EPCAM: variants seen among roughly 807,000 people sequenced by gnomAD.
EPCAM encodes the protein epithelial cell adhesion molecule, also known as adenocarcinoma-associated antigen.
Under a neutral mutation model 40.0 loss-of-function variants are expected in EPCAM, and 39 were observed. The ratio of observed to expected loss-of-function variants is 0.98; its 90% CI spans 0.76 to 1.27. The LOEUF is 1.27. Among genes scored for constraint, EPCAM ranks in the 50% most tolerant of loss-of-function variants. The pLI, the probability that EPCAM is intolerant of heterozygous loss-of-function variation, is 0.00. For synonymous variants in EPCAM, 168 were observed against 132.3 expected, an observed-to-expected ratio of 1.27 and a Z score of -1.85; for missense variants, 503 against 381.2, an observed-to-expected ratio of 1.32 and a Z score of -2.66.
intron 3 of EPCAM, 131 bp from the exon 4 acceptor site, chr2:47,375,101 TTA>T: frequency 1.5e-6 from 1 of 666,714 alleles, no homozygotes; most frequent in East Asian, 2.8e-5. Flanking sequence ...AGGGAAGAAA[TTA>T]TAGGAATAGC....
At chr2:47,370,518 G>T (rs1054848450) in intron 1 of EPCAM, among the ~76,000 whole-genome samples, 1 of 151,336 alleles carries the variant, frequency 6.6e-6, no homozygotes, top group Admixed American at 6.6e-5. Flanking sequence ...CTCGTGATCC[G>T]CCCGCCTCGG....
intron 4 of EPCAM, 54 bp from the exon 5 acceptor site, chr2:47,376,960 A>C: frequency 8.5e-7 from 1 of 1,183,234 alleles, no homozygotes; most frequent in African/African-American, 1.5e-5. Flanking sequence ...AGTGCTTCTT[A>C]CTGTTGTGTG....
rs544982848 is a variant in EPCAM, at chr2:47,374,161, G to A, written c.425+113G>A. The A allele has an allele frequency of 8.4e-6, 11 of 1,302,148 alleles. No homozygotes were observed. In the East Asian group the frequency reaches 2.5e-4, roughly 30 times the overall value. The allele number at this position is 1,302,148 out of a possible 1,614,324, so 80.7% of individuals were successfully genotyped here. A position where few individuals can be genotyped will look rare whatever the true frequency, so the allele number is the denominator to read the frequency against. ...GGTTTAGAATTCAGAAGATATGAGTGTCCAGTGAAAAGCTTCCTTCTCATT... is the reference window on the plus strand; with the variant it reads ...GGTTTAGAATTCAGAAGATATGAGTATCCAGTGAAAAGCTTCCTTCTCATT... On this transcript the variant is annotated intron_variant, in intron 3 of 8. Transcript: ENST00000263735.
At chr2:47,384,161 G>A (rs1234573029) in intron 7 of EPCAM, among the ~76,000 whole-genome samples, 2 of 151,548 alleles carry the variant, frequency 1.3e-5, no homozygotes. Flanking sequence ...GAGTGCAATG[G>A]TGCATGATCT....
intron 5 of EPCAM, 90 bp downstream of exon 5, chr2:47,377,167 T>A (rs1573397243): frequency 1.2e-6 from 1 of 858,242 alleles, no homozygotes; most frequent in Non-Finnish European, 2.0e-6. Context: ...AAGTGGTGGT[T>A]AAATGCACTT....
chr2:47,373,596 TA>T, intron 2 of EPCAM, 26 bp downstream of exon 2: 1 of 1,553,136 alleles, frequency 6.4e-7, no homozygotes, highest in South Asian at 1.1e-5. Context: ...TAATTACCTG[TA>T]AGCTTTATTT....
chr2:47,373,568 A>C lies in EPCAM; in HGVS notation c.182A>C (p.Lys61Thr). The part of the protein sequence containing the change: ...VGAQNTVICS[K>T]LAAKCLVMKA... ...GCACAAAATACTGTCATTTGCTCAA[A>C]GCGTGAGTAAAATATCCTAATTACC... Residue 61 changes from lysine (K) to threonine (T), a missense_variant and splice_region_variant, in exon 2 of 9, where the codon AAG becomes ACG. Coordinates refer to ENST00000263735, the MANE Select transcript of EPCAM (RefSeq NM_002354.3). 2 of 1,601,302 alleles carry C rather than the reference A, an allele frequency of 1.2e-6. No individual in the cohort carries two copies. Among genetic ancestry groups the C allele is most frequent in the Non-Finnish European group, 1.7e-6 (2 of 1,168,426 alleles).
rs2103757244 is a variant in EPCAM at position 47,379,033 on chromosome 2, G to A, written c.636G>A (p.Val212=). 2 of 1,590,280 alleles carry A rather than the reference G, an allele frequency of 1.3e-6. No homozygotes were observed. The highest frequency in any genetic ancestry group is 8.6e-7 in the Non-Finnish European group (1 of 1,158,566). The part of the protein sequence containing the change: ...KTQNDVDIAD[V]AYYFEKDVKG... ...AGAATGATGTGGACATAGCTGATGT[G>A]GCTTATTATTTTGAAAAAGATGTGA... The change falls in exon 6 of 9, where the codon GTG becomes GTA. Residue 212 remains valine (V), a synonymous_variant. Transcript: ENST00000263735.
rs1322763300 is a variant in EPCAM, at chr2:47,379,940, A to G, written c.829A>G (p.Ile277Val). 3.7e-6 allele frequency: 6 copies of G among 1,613,682 alleles called. No individual in the cohort carries two copies. The highest frequency in any genetic ancestry group is 2.2e-5 in the East Asian group (1 of 44,874). Residue 277 changes from isoleucine (I) to valine (V), a missense_variant, in exon 7 of 9, where the codon ATA becomes GTA. Transcript: ENST00000263735. ...TATTGCTGTTATTGTGGTTGTGGTGATAGCAGTTGTTGCTGGAATTGTTGT... is the reference window on the plus strand; with the variant it reads ...TATTGCTGTTATTGTGGTTGTGGTGGTAGCAGTTGTTGCTGGAATTGTTGT... ...GVIAVIVVVVIAVVAGIVVLV... is the reference protein window; with the variant it reads ...GVIAVIVVVVVAVVAGIVVLV...
intron 5 of EPCAM, among the ~76,000 whole-genome samples, chr2:47,378,196 C>T (rs1216452885): frequency 2.0e-5 from 3 of 152,018 alleles, no homozygotes; most frequent in African/African-American, 7.2e-5. Context: ...TGTGCCACTG[C>T]ACTCCAGCCT....
intron 4 of EPCAM, among the ~76,000 whole-genome samples, chr2:47,375,627 A>G (rs1671401672): frequency 6.6e-6 from 1 of 152,160 alleles, no homozygotes; most frequent in Admixed American, 6.6e-5. Context: ...TTTACCCCTA[A>G]GTACTTCAGT....
chr2:47,376,125 CTT>C (rs1671416887), intron 4 of EPCAM, among the ~76,000 whole-genome samples: 2 of 152,000 alleles, frequency 1.3e-5, no homozygotes, highest in Non-Finnish European at 2.9e-5. Flanking sequence ...TGTCATGACT[CTT>C]TAGTCTCTTA....
At chr2:47,383,987 C>G (rs547686374) in intron 7 of EPCAM, among the ~76,000 whole-genome samples, 1 of 151,470 alleles carries the variant, frequency 6.6e-6, no homozygotes, top group South Asian at 2.1e-4. Flanking sequence ...TTTTTTCTTT[C>G]TCTTTCTTTT....
chr2:47,381,186 C>T (rs1329058771), intron 7 of EPCAM, among the ~76,000 whole-genome samples: 8 of 148,736 alleles, frequency 5.4e-5, no homozygotes, highest in African/African-American at 2.0e-4. Context: ...CACCCGAGGT[C>T]GGGAGTTCGA....
At chr2:47,385,903 T>C (rs1671733296) in intron 8 of EPCAM, among the ~76,000 whole-genome samples, 1 of 152,192 alleles carries the variant, frequency 6.6e-6, no homozygotes, top group Non-Finnish European at 1.5e-5. Context: ...ACCGCAAGTC[T>C]AGAAGACTAA....
rs1184661828 is a variant in EPCAM at position 47,369,501 on chromosome 2, G to A, written c.-5G>A. 3 of 1,536,448 alleles carry A rather than the reference G, an allele frequency of 2.0e-6. No individual in the cohort carries two copies. Among genetic ancestry groups the A allele is most frequent in the Admixed American group, 4.0e-5 (2 of 50,008 alleles). On this transcript the variant is annotated 5_prime_UTR_variant, in exon 1 of 9. Transcript: ENST00000263735. ...CCGCGCCCCTCTTCTCGGCGCGCGCGCAGCATGGCGCCCCCGCAGGTCCTC... is the reference window on the plus strand; with the variant it reads ...CCGCGCCCCTCTTCTCGGCGCGCGCACAGCATGGCGCCCCCGCAGGTCCTC...
chr2:47,377,973 C>A (rs1671470669), intron 5 of EPCAM, among the ~76,000 whole-genome samples: 1 of 152,074 alleles, frequency 6.6e-6, no homozygotes, highest in Non-Finnish European at 1.5e-5. Context: ...TGGCTCACGC[C>A]TGTAATCCCA....
chr2:47,374,695 G>C (rs1671376504), intron 3 of EPCAM, among the ~76,000 whole-genome samples: 1 of 151,684 alleles, frequency 6.6e-6, no homozygotes, highest in South Asian at 2.1e-4. Context: ...CCAGGTTGGA[G>C]TGCAGTGGCA....
chr2:47,369,430 G>C lies in EPCAM; in HGVS notation c.-76G>C. 1 of 1,317,230 alleles carries C rather than the reference G, an allele frequency of 7.6e-7. No homozygotes were observed. The highest frequency in any genetic ancestry group is 1.7e-5 in the South Asian group (1 of 57,608). The allele number at this position is 1,317,230 out of a possible 1,614,324, so 81.6% of individuals were successfully genotyped here. A position where few individuals can be genotyped will look rare whatever the true frequency, so the allele number is the denominator to read the frequency against. On this transcript the variant is annotated 5_prime_UTR_variant, in exon 1 of 9. Coordinates refer to ENST00000263735, the MANE Select transcript of EPCAM (RefSeq NM_002354.3). ...CCTCGCGCTGCCCGGCCGGCTCCTC[G>C]TGTCCCACTCCCGGCGCACGCCCTC... is the stretch of plus-strand genomic sequence containing the variant.
Sources: allele counts gnomAD v4.1 joint callset (sites outside exome capture counted in the v4.1 genomes callset), GRCh38; gene constraint gnomAD v4.1.1; transcripts MANE v1.5; gene names NCBI Gene and HGNC (gene_info 2026-07-23, HGNC 2026-07-21).